SKIC3: variants seen among roughly 807,000 people sequenced by gnomAD.
SKIC3 encodes superkiller complex protein 3.
At chr5:95,502,585 T>A in the SKIC3 span, among the ~76,000 whole-genome samples, 1 of 152,226 alleles carries the variant, frequency 6.6e-6, no homozygotes, top group Non-Finnish European at 1.5e-5. Context: ...TCATTACAAC[T>A]ATCTTCATTA....
chr5:95,510,621 T>G, the SKIC3 span, among the ~76,000 whole-genome samples: 2 of 152,144 alleles, frequency 1.3e-5, no homozygotes, highest in Non-Finnish European at 2.9e-5. Context: ...AGAAGACAGC[T>G]TCAACTCCCT....
the SKIC3 span, among the ~76,000 whole-genome samples, chr5:95,474,743 T>C: frequency 6.6e-6 from 1 of 152,224 alleles, no homozygotes; most frequent in African/African-American, 2.4e-5. Context: ...GGAATGCCAA[T>C]GAGTTGTAGA....
At chr5:95,490,881 T>C in the SKIC3 span, 2 of 1,613,200 alleles carry the variant, frequency 1.2e-6, no homozygotes, top group East Asian at 2.2e-5. Flanking sequence ...AATTAAATCA[T>C]GTATAAAGAT....
chr5:95,488,562 A>G, the SKIC3 span, among the ~76,000 whole-genome samples: 1 of 152,246 alleles, frequency 6.6e-6, no homozygotes, highest in Non-Finnish European at 1.5e-5. Flanking sequence ...ACTGTCAGCC[A>G]AGGACACTAT....
the SKIC3 span, among the ~76,000 whole-genome samples, chr5:95,487,208 G>A: frequency 6.6e-6 from 1 of 152,172 alleles, no homozygotes; most frequent in African/African-American, 2.4e-5. Context: ...TCTTCAGTGT[G>A]GGGGCTGGGA....
chr5:95,539,367 T>A, the SKIC3 span, among the ~76,000 whole-genome samples: 2 of 151,930 alleles, frequency 1.3e-5, no homozygotes, highest in African/African-American at 4.8e-5. Flanking sequence ...TCACTAATGA[T>A]CAGGGAAATG....
At chr5:95,548,527 T>C in the SKIC3 span, 1 of 152,124 alleles carries the variant, frequency 6.6e-6, no homozygotes, top group South Asian at 2.1e-4. Context: ...TAAAGCACCA[T>C]ATTTCATATG....
the SKIC3 span, among the ~76,000 whole-genome samples, chr5:95,492,478 T>C: frequency 4.8e-5 from 7 of 146,466 alleles, no homozygotes; most frequent in Non-Finnish European, 1.1e-4. Flanking sequence ...CTACTAAAAA[T>C]ACAAAAAAAT....
chr5:95,554,504 T>G, the SKIC3 span, among the ~76,000 whole-genome samples: 1 of 152,164 alleles, frequency 6.6e-6, no homozygotes, highest in Non-Finnish European at 1.5e-5. Flanking sequence ...CCCCCTCCAG[T>G]TTCGCTTATC....
chr5:95,534,136 C>T, the SKIC3 span, among the ~76,000 whole-genome samples: 1 of 151,520 alleles, frequency 6.6e-6, no homozygotes, highest in African/African-American at 2.4e-5. Context: ...AATCAGCCTA[C>T]TTATCTTTGG....
chr5:95,485,820 C>T, the SKIC3 span, among the ~76,000 whole-genome samples: 1 of 152,160 alleles, frequency 6.6e-6, no homozygotes, highest in Non-Finnish European at 1.5e-5. Flanking sequence ...GATAATCACA[C>T]TTCAGATATA....
chr5:95,477,658 A>G, the SKIC3 span, among the ~76,000 whole-genome samples: 1 of 152,198 alleles, frequency 6.6e-6, no homozygotes, highest in Non-Finnish European at 1.5e-5. Flanking sequence ...ATGTTTCCAT[A>G]TAATTACATC....
At chr5:95,494,410 A>G in the SKIC3 span, among the ~76,000 whole-genome samples, 1 of 152,226 alleles carries the variant, frequency 6.6e-6, no homozygotes, top group Non-Finnish European at 1.5e-5. Context: ...GTACTGAATT[A>G]TCACATGCAC....
At chr5:95,539,633 C>T in the SKIC3 span, among the ~76,000 whole-genome samples, 1 of 152,060 alleles carries the variant, frequency 6.6e-6, no homozygotes, top group Admixed American at 6.6e-5. Context: ...CACTTGAGGT[C>T]AGGAGTTTGA....
chr5:95,486,078 T>C, the SKIC3 span, among the ~76,000 whole-genome samples: 191 of 152,224 alleles, frequency 1.3e-3, 1 homozygote, highest in African/African-American at 4.2e-3. Context: ...AGGGAGTACA[T>C]AATAATGGCA....
the SKIC3 span, chr5:95,525,803 TATC>T: frequency 1.2e-6 from 1 of 818,772 alleles, no homozygotes; most frequent in Admixed American, 2.3e-5. Flanking sequence ...TCCTGATTTC[TATC>T]ACTAATAACA....
chr5:95,503,107 A>G, the SKIC3 span: 2 of 1,293,372 alleles, frequency 1.5e-6, no homozygotes, highest in African/African-American at 2.9e-5. Flanking sequence ...TCTAAATACA[A>G]TTATATCTTT....
the SKIC3 span, chr5:95,524,435 C>T: frequency 6.2e-7 from 1 of 1,611,292 alleles, no homozygotes; most frequent in Non-Finnish European, 8.5e-7. Flanking sequence ...GCCATTTCAA[C>T]TAGGAATTGA....
the SKIC3 span, chr5:95,503,065 G>A: frequency 3.1e-6 from 5 of 1,602,770 alleles, no homozygotes; most frequent in East Asian, 2.2e-5. Flanking sequence ...GATGAAGCAT[G>A]GGATTTTTCC....
Sources: gnomAD v4.1 joint callset for allele counts (sites outside exome capture counted in the v4.1 genomes callset) on GRCh38, gnomAD v4.1.1 for gene constraint, MANE v1.5 for transcripts, NCBI Gene and HGNC (gene_info 2026-07-23, HGNC 2026-07-21) for gene names.